TNS3: variants seen among roughly 807,000 people sequenced by gnomAD.
TNS3 encodes tensin 3, also known as tensin-3.
A neutral mutation model predicts 140.9 loss-of-function variants in TNS3; 45 were observed. That is an observed-to-expected ratio of 0.32 (90% CI 0.25 to 0.41). The LOEUF (loss-of-function observed/expected upper bound fraction) is 0.41, where lower values mean the gene tolerates loss of function less well. TNS3 is among the 10% of genes least tolerant of loss of function. The pLI is 1.00. For synonymous variants in TNS3, 815 were observed against 788.4 expected, an observed-to-expected ratio of 1.03 and a Z score of -0.56; for missense variants, 1,716 against 1,906.7, an observed-to-expected ratio of 0.90 and a Z score of 1.86.
intron 20 of TNS3, among the ~76,000 whole-genome samples, chr7:47,318,479 T>C (rs1011321060): frequency 1.3e-5 from 2 of 152,150 alleles, no homozygotes; most frequent in African/African-American, 4.8e-5. Context: ...TCAAAGCTGC[T>C]TCCAGTCCAG....
intron 16 of TNS3, among the ~76,000 whole-genome samples, chr7:47,395,160 C>G (rs184890051): frequency 2.0e-5 from 3 of 152,222 alleles, no homozygotes; most frequent in African/African-American, 7.2e-5. Flanking sequence ...TTCCACAACT[C>G]GCCTCCCTGT....
At chr7:47,477,736 C>T (rs549352995) in intron 4 of TNS3, among the ~76,000 whole-genome samples, 2 of 152,264 alleles carry the variant, frequency 1.3e-5, no homozygotes, top group African/African-American at 4.8e-5. Context: ...TCCAAAATGC[C>T]AAGGATCACA....
chr7:47,442,223 T>C lies in TNS3; in HGVS notation c.-75-168A>G, dbSNP rs189627629. On this transcript the variant is annotated intron_variant, in intron 4 of 30. Transcript: ENST00000311160. ...TATCACCTCAGAAGGGTCTACACCATGTTGTGTGATTCAGCTCACCAGAGG... is the reference window on the plus strand; with the variant it reads ...TATCACCTCAGAAGGGTCTACACCACGTTGTGTGATTCAGCTCACCAGAGG... 2.6e-3 allele frequency among the ~76,000 whole-genome samples: 403 copies of C among 152,326 alleles called. 1 individual carries two copies. The highest frequency in any genetic ancestry group is 9.2e-3 in the African/African-American group (384 of 41,582).
rs1799358496 is a variant in TNS3 at position 47,530,667 on chromosome 7, T to C, written c.-264-1520A>G. On this transcript the variant is annotated intron_variant, in intron 1 of 30. Transcript: ENST00000311160. ...GGTGAAACCCCGTGTCTACTAAAAA[T>C]ACAAAAAATTAGCCGGGCATGGTGG... Among the ~76,000 whole-genome samples, 2 of 149,788 alleles carry C rather than the reference T, an allele frequency of 1.3e-5. 1 individual carries two copies. The highest frequency in any genetic ancestry group is 3.9e-4 in the East Asian group (2 of 5,100).
intron 3 of TNS3, among the ~76,000 whole-genome samples, chr7:47,493,615 G>A (rs994711321): frequency 1.3e-5 from 2 of 150,264 alleles, no homozygotes; most frequent in South Asian, 2.1e-4. Flanking sequence ...TCAGGAGATC[G>A]AGACCATCCT....
intron 20 of TNS3, among the ~76,000 whole-genome samples, chr7:47,308,782 C>T (rs537784406): frequency 6.6e-6 from 1 of 152,290 alleles, no homozygotes; most frequent in Non-Finnish European, 1.5e-5. Context: ...CTCATGAGAA[C>T]AGGCACTCTT....
intron 1 of TNS3, among the ~76,000 whole-genome samples, chr7:47,550,181 C>T (rs1800025461): frequency 6.6e-6 from 1 of 152,174 alleles, no homozygotes; most frequent in East Asian, 1.9e-4. Flanking sequence ...GCACCCTCAC[C>T]CTGCCCTTCA....
At chr7:47,439,272 C>T (rs529146824) in intron 6 of TNS3, among the ~76,000 whole-genome samples, 2 of 152,330 alleles carry the variant, frequency 1.3e-5, no homozygotes, top group East Asian at 1.9e-4. Flanking sequence ...GGTCAGCAGT[C>T]GTGTGTCCCT....
chr7:47,553,966 G>C (rs1003111570), intron 1 of TNS3, among the ~76,000 whole-genome samples: 2 of 151,766 alleles, frequency 1.3e-5, no homozygotes, highest in Non-Finnish European at 2.9e-5. Context: ...CACCAAGCCT[G>C]TCTAATTTTT....
chr7:47,512,610 G>C (rs586005), intron 2 of TNS3, among the ~76,000 whole-genome samples: 1 of 151,970 alleles, frequency 6.6e-6, no homozygotes, highest in African/African-American at 2.4e-5. Flanking sequence ...CTTTGTGACC[G>C]ACAGACATGC....
At position 47,278,519 on chromosome 7, in the gene TNS3, T is replaced by C. The variant is rs1004302730; in HGVS notation, c.4194-299A>G. On this transcript the variant is annotated intron_variant, in intron 30 of 30. Transcript: ENST00000311160. ...CAAAGCTGAGGCTCAACTTCCTCTA[T>C]AGATGCTTCCCCACGCCAGGGCCAG... 1.6e-5 allele frequency: 5 copies of C among 310,840 alleles called. No homozygotes were observed. The South Asian group carries it at 3.6e-4, about 22-fold the overall frequency. The allele number at this position is 310,840 out of a possible 1,614,324, so 19.3% of individuals were successfully genotyped here.
intron 10 of TNS3, among the ~76,000 whole-genome samples, chr7:47,415,967 G>A (rs138038328): frequency 0.013 from 1,977 of 152,326 alleles, 47 homozygotes; most frequent in African/African-American, 0.045. Context: ...AGGATGAGCC[G>A]GAGGCTTACC....
At chr7:47,510,432 A>T (rs1011221321) in intron 2 of TNS3, among the ~76,000 whole-genome samples, 2 of 152,162 alleles carry the variant, frequency 1.3e-5, no homozygotes, top group African/African-American at 4.8e-5. Context: ...TTCTCAGGGG[A>T]TGTCATTTTT....
At chr7:47,399,723 C>A (rs986224688) in intron 15 of TNS3, among the ~76,000 whole-genome samples, 1 of 152,188 alleles carries the variant, frequency 6.6e-6, no homozygotes, top group African/African-American at 2.4e-5. Flanking sequence ...CATAAAAAGT[C>A]TAGAAGACAA....
intron 17 of TNS3, among the ~76,000 whole-genome samples, chr7:47,367,994 G>C (rs1273596545): frequency 2.0e-5 from 3 of 147,260 alleles, no homozygotes; most frequent in African/African-American, 8.2e-5. Context: ...AGGGACAGAA[G>C]TAAGTATGCT....
chr7:47,463,757 C>T (rs1025767244), intron 4 of TNS3, among the ~76,000 whole-genome samples: 5 of 152,084 alleles, frequency 3.3e-5, no homozygotes, highest in East Asian at 1.9e-4. Context: ...GTGGGCAACC[C>T]GAATTTTGAG....
intron 25 of TNS3, among the ~76,000 whole-genome samples, 182 bp from the exon 26 acceptor site, chr7:47,293,087 A>G (rs1562765657): frequency 6.6e-6 from 1 of 152,228 alleles, no homozygotes. Flanking sequence ...GTTCCACAAG[A>G]TAGTTGAGAG....
intron 6 of TNS3, among the ~76,000 whole-genome samples, chr7:47,438,789 C>T (rs1248606498): frequency 6.6e-6 from 1 of 152,162 alleles, no homozygotes; most frequent in Non-Finnish European, 1.5e-5. Context: ...GTTTGCAGGG[C>T]AGATTAGCTT....
intron 13 of TNS3, chr7:47,405,455 C>T: frequency 1.4e-6 from 1 of 700,780 alleles, no homozygotes; most frequent in Non-Finnish European, 2.6e-6. Context: ...GATAGCTAAG[C>T]CCCATAGGTC....
Sources: gnomAD v4.1 joint callset for allele counts (sites outside exome capture counted in the v4.1 genomes callset) on GRCh38, gnomAD v4.1.1 for gene constraint, MANE v1.5 for transcripts, NCBI Gene and HGNC (gene_info 2026-07-23, HGNC 2026-07-21) for gene names.